ARHGAP20: variants seen among roughly 807,000 people sequenced by gnomAD.
ARHGAP20 encodes rho GTPase-activating protein 20.
In ARHGAP20, 34 loss-of-function variants were observed where a neutral mutation model predicts 73.7. The ratio of observed to expected loss-of-function variants is 0.46; its 90% CI spans 0.35 to 0.61. ARHGAP20 has a LOEUF of 0.61. Ranked by LOEUF, ARHGAP20 falls within the 20% of genes least tolerant of loss-of-function variation. The probability of loss-of-function intolerance (pLI) is 0.00; values close to 1 mark genes in which losing one functional copy is unlikely to be tolerated. For missense variants in ARHGAP20, 1,314 were observed against 1,420.9 expected, an observed-to-expected ratio of 0.92 and a Z score of 1.21; for synonymous variants, 523 against 518.2, an observed-to-expected ratio of 1.01 and a Z score of -0.13.
chr11:110,665,897 A>C (rs921241095), intron 2 of ARHGAP20, among the ~76,000 whole-genome samples: 64 of 152,180 alleles, frequency 4.2e-4, no homozygotes, highest in African/African-American at 1.4e-3. Flanking sequence ...ATTGTTGCTA[A>C]GGCAGAAAAT....
intron 2 of ARHGAP20, among the ~76,000 whole-genome samples, chr11:110,663,311 A>T (rs1267316430): frequency 6.7e-6 from 1 of 150,208 alleles, no homozygotes; most frequent in Non-Finnish European, 1.5e-5. Flanking sequence ...GGAATATGAG[A>T]AAATACACTA....
Position 110,618,658 on chromosome 11 carries a change from C to CGT in ARHGAP20, c.504-3065_504-3064insAC, listed in dbSNP as rs1565441307. Among the ~76,000 whole-genome samples the CGT allele has an allele frequency of 4.2e-3, 582 of 137,848 alleles. 2 individuals are homozygous for CGT. The highest frequency in any genetic ancestry group is 0.015 in the African/African-American group (546 of 35,912). 90.4% of individuals were successfully genotyped at this position (137,848 alleles called of 152,430 possible). On this transcript the variant is annotated intron_variant, in intron 4 of 14. Transcript: ENST00000683387. Reference sequence around the variant, plus strand: ...AGTGATAGCGTATATGCAGTGATAGCATATATGCAGTGATAGAGTATATGC... The same window carrying CGT: ...AGTGATAGCGTATATGCAGTGATAGCGTATATATGCAGTGATAGAGTATATGC...
intron 11 of ARHGAP20, among the ~76,000 whole-genome samples, chr11:110,588,242 C>T (rs563360710): frequency 1.5e-4 from 23 of 152,308 alleles, no homozygotes; most frequent in Non-Finnish European, 4.4e-5. Flanking sequence ...TTGAATGTCT[C>T]CTCTCCTCCA....
chr11:110,632,587 T>C (rs185110765), intron 2 of ARHGAP20, among the ~76,000 whole-genome samples: 1 of 152,106 alleles, frequency 6.6e-6, no homozygotes, highest in African/African-American at 2.4e-5. Context: ...GTATTTTTAG[T>C]AGAGATGGGG....
intron 4 of ARHGAP20, among the ~76,000 whole-genome samples, chr11:110,621,628 C>A (rs1275859138): frequency 6.6e-6 from 1 of 151,900 alleles, no homozygotes; most frequent in Non-Finnish European, 1.5e-5. Context: ...TTTTATTTCT[C>A]TGCTGATATT....
rs761587525 is a variant in ARHGAP20, at chr11:110,611,392, G to GA, written c.631-7dup. On this transcript the variant is annotated splice_polypyrimidine_tract_variant and splice_region_variant and intron_variant, in intron 6 of 14. Transcript: ENST00000683387. ...ATTACTGTTATAGTTTTAGACTGTA[G>GA]AAAAAAAATAAGAAATATAGCTATA... 141 of 1,401,926 alleles carry GA rather than the reference G, an allele frequency of 1.0e-4. No homozygotes were observed. The highest frequency in any genetic ancestry group is 1.1e-4 in the Non-Finnish European group (117 of 1,035,754). The allele number at this position is 1,401,926 out of a possible 1,614,324, so 86.8% of individuals were successfully genotyped here.
intron 1 of ARHGAP20, among the ~76,000 whole-genome samples, chr11:110,692,977 A>C (rs1443383749): frequency 6.6e-6 from 1 of 151,992 alleles, no homozygotes; most frequent in Non-Finnish European, 1.5e-5. Flanking sequence ...ATGAACCGCA[A>C]GTTAAGAAAC....
At chr11:110,600,388 G>C (rs951141187) in intron 9 of ARHGAP20, among the ~76,000 whole-genome samples, 2 of 152,208 alleles carry the variant, frequency 1.3e-5, no homozygotes, top group Non-Finnish European at 2.9e-5. Context: ...TGCCTGGTCT[G>C]GCTGCAGCCT....
At chr11:110,589,705 CTG>C in intron 11 of ARHGAP20, 1 of 985,322 alleles carries the variant, frequency 1.0e-6, no homozygotes, top group Non-Finnish European at 1.2e-6. Flanking sequence ...CTCTCTATCT[CTG>C]TAACCATGGA....
At position 110,592,051 on chromosome 11, in the gene ARHGAP20, G is replaced by A. The variant is rs1033342043; in HGVS notation, c.1069C>T (p.Pro357Ser). Residue 357 changes from proline (P) to serine (S), a missense_variant, in exon 10 of 15, where the codon CCT (proline) becomes TCT (serine). Physicochemically the swap from Pro to Ser is moderately conservative, Grantham distance 74. Coordinates refer to ENST00000683387, the MANE Select transcript of ARHGAP20 (RefSeq NM_001384657.1). ...ATTCCAAAGAGCTGTCCTGGCATAG[G>A]TGATGTTGGCGATGAGGGCAAGTTG... ...LDNLPSSPTS[P>S]MPGQLFGISL... The A allele has an allele frequency of 1.9e-6, 3 of 1,614,036 alleles. No individual in the cohort carries two copies. The highest frequency in any genetic ancestry group is 2.5e-6 in the Non-Finnish European group (3 of 1,180,018).
At chr11:110,634,624 T>C (rs1310830269) in intron 2 of ARHGAP20, among the ~76,000 whole-genome samples, 3 of 152,178 alleles carry the variant, frequency 2.0e-5, no homozygotes, top group Admixed American at 2.0e-4. Context: ...AGTAATGTGA[T>C]ATGGCAAGTT....
In ARHGAP20 at chr11:110,579,100, C is replaced by A; in HGVS notation, c.*270G>T. 1 of 1,072,258 alleles carries A rather than the reference C, an allele frequency of 9.3e-7. No individual in the cohort carries two copies. The highest frequency in any genetic ancestry group is 3.8e-5 in the South Asian group (1 of 26,614). The allele number at this position is 1,072,258 out of a possible 1,614,324, so 66.4% of individuals were successfully genotyped here. On this transcript the variant is annotated 3_prime_UTR_variant, in exon 15 of 15. Transcript: ENST00000683387. ...CTCTGCAGAAGATGCTTTCTCTAGC[C>A]CTCTGTTAGTATCTCTAAAACCACA... is the stretch of plus-strand genomic sequence containing the variant.
chr11:110,645,615 C>G (rs1949174480), intron 2 of ARHGAP20, among the ~76,000 whole-genome samples: 1 of 152,128 alleles, frequency 6.6e-6, no homozygotes, highest in African/African-American at 2.4e-5. Flanking sequence ...AATCACATTA[C>G]TGGGCATATA....
chr11:110,632,011 T>G (rs145486418), intron 2 of ARHGAP20, among the ~76,000 whole-genome samples: 22 of 152,376 alleles, frequency 1.4e-4, no homozygotes, highest in African/African-American at 5.0e-4. Context: ...TTCATGTTAT[T>G]ACATTTATCA....
At chr11:110,641,075 A>C (rs576126055) in intron 2 of ARHGAP20, among the ~76,000 whole-genome samples, 4 of 152,060 alleles carry the variant, frequency 2.6e-5, no homozygotes, top group African/African-American at 7.2e-5. Context: ...AAGGGCTTAA[A>C]AGCAAGAAAT....
At chr11:110,699,272 C>T (rs2135136993) in intron 1 of ARHGAP20, among the ~76,000 whole-genome samples, 1 of 151,916 alleles carries the variant, frequency 6.6e-6, no homozygotes, top group South Asian at 2.1e-4. Context: ...CGAGAAGATA[C>T]TTGATATGAT....
At chr11:110,626,040 T>C (rs1948737066) in intron 3 of ARHGAP20, among the ~76,000 whole-genome samples, 1 of 152,212 alleles carries the variant, frequency 6.6e-6, no homozygotes, top group South Asian at 2.1e-4. Flanking sequence ...GAAAGTGCCT[T>C]GTGGCATAAT....
Position 110,577,502 on chromosome 11 carries a change from A to C in ARHGAP20, c.*1868T>G, listed in dbSNP as rs139410583. On this transcript the variant is annotated 3_prime_UTR_variant, in exon 15 of 15. Coordinates refer to ENST00000683387, the MANE Select transcript of ARHGAP20 (RefSeq NM_001384657.1). ...AAAAAAAAAGGCAATTTCTTCCAGAAAGACACTCCAAGCCGTTAAGAGCTT... is the reference window on the plus strand; with the variant it reads ...AAAAAAAAAGGCAATTTCTTCCAGACAGACACTCCAAGCCGTTAAGAGCTT... 3.0e-4 allele frequency: 302 copies of C among 1,008,540 alleles called. 4 individuals are homozygous for C. The East Asian group carries it at 0.024, about 80-fold the overall frequency. 62.5% of individuals were successfully genotyped at this position (1,008,540 alleles called of 1,614,324 possible). A position where few individuals can be genotyped will look rare whatever the true frequency, so the allele number is the denominator to read the frequency against.
chr11:110,594,732 C>T (rs888211929), intron 9 of ARHGAP20, among the ~76,000 whole-genome samples: 2 of 152,198 alleles, frequency 1.3e-5, no homozygotes, highest in Non-Finnish European at 2.9e-5. Context: ...TGGTACCATT[C>T]CTTCTGAAAC....
Sources: allele counts gnomAD v4.1 joint callset (sites outside exome capture counted in the v4.1 genomes callset), GRCh38; gene constraint gnomAD v4.1.1; transcripts MANE v1.5; gene names NCBI Gene and HGNC (gene_info 2026-07-23, HGNC 2026-07-21).